Variants in PDZRN3 observed in about 807,000 individuals in gnomAD.
PDZRN3 encodes PDZ domain containing ring finger 3.
PDZRN3 carries 38 observed loss-of-function variants against 85.7 expected under a neutral mutation model. The ratio of observed to expected loss-of-function variants is 0.44; its 90% CI spans 0.34 to 0.58. The LOEUF is 0.58. Among genes scored for constraint, PDZRN3 ranks in the 20% least tolerant of loss-of-function variants. The pLI is 0.01. For missense variants in PDZRN3, 1,629 were observed against 1,506.4 expected (o/e 1.08, Z -1.35); for synonymous variants, 759 against 638.0 (o/e 1.19, Z -2.86).
intron 3 of PDZRN3, among the ~76,000 whole-genome samples, chr3:73,415,647 A>C (rs1702066368): frequency 6.6e-6 from 1 of 152,184 alleles, no homozygotes; most frequent in Admixed American, 6.5e-5. Context: ...TGAGATATTC[A>C]AAATTTTATT....
In PDZRN3 at chr3:73,473,105, G is replaced by A. The variant is rs183897384; in HGVS notation, c.919-68710C>T. On this transcript the variant is annotated intron_variant, in intron 3 of 9. Coordinates refer to ENST00000263666, the MANE Select transcript of PDZRN3 (RefSeq NM_015009.3). ...AAGAGCCCCTAAAAGGAGTGTAACAGATAGAGATGCTCTCTACTTAATATC... is the reference window on the plus strand; with the variant it reads ...AAGAGCCCCTAAAAGGAGTGTAACAAATAGAGATGCTCTCTACTTAATATC... 2.3e-3 allele frequency among the ~76,000 whole-genome samples: 344 copies of A among 152,320 alleles called. 1 individual carries two copies. The highest frequency in any genetic ancestry group is 3.8e-3 in the Non-Finnish European group (256 of 68,028).
At chr3:73,490,621 T>G (rs560063988) in intron 3 of PDZRN3, among the ~76,000 whole-genome samples, 1 of 152,082 alleles carries the variant, frequency 6.6e-6, no homozygotes, top group South Asian at 2.1e-4. Flanking sequence ...GCAACAAAAA[T>G]GGGGGGTATG....
In PDZRN3 at chr3:73,457,082, C is replaced by CT. The variant is rs895419282; in HGVS notation, c.919-52688dup. Among the ~76,000 whole-genome samples the CT allele has an allele frequency of 2.6e-4, 40 of 151,718 alleles. 1 individual carries two copies. Among genetic ancestry groups the CT allele is most frequent in the Admixed American group, 2.5e-3 (38 of 15,240 alleles). On this transcript the variant is annotated intron_variant, in intron 3 of 9. Transcript: ENST00000263666. Reference sequence around the variant, plus strand: ...AGAAAGAAATTTCTACCTTAGCTCACTTTTTTTTGAGACAGAGTCTCACTC... The same window carrying CT: ...AGAAAGAAATTTCTACCTTAGCTCACTTTTTTTTTGAGACAGAGTCTCACTC...
intron 3 of PDZRN3, among the ~76,000 whole-genome samples, chr3:73,437,039 C>T (rs1418461702): frequency 2.3e-5 from 3 of 131,392 alleles, no homozygotes; most frequent in Admixed American, 7.9e-5. Flanking sequence ...GAGAAAGACT[C>T]TGTCTCAAAA....
intron 3 of PDZRN3, among the ~76,000 whole-genome samples, chr3:73,560,376 G>A (rs1186465112): frequency 6.6e-6 from 1 of 152,118 alleles, no homozygotes; most frequent in East Asian, 1.9e-4. Context: ...ATTCAACCTC[G>A]AGGCTGAGTG....
chr3:73,384,677 C>G lies in PDZRN3; in HGVS notation c.1889G>C (p.Cys630Ser), dbSNP rs776331499. 1.2e-6 allele frequency: 2 copies of G among 1,613,900 alleles called. No individual in the cohort carries two copies. The highest frequency in any genetic ancestry group is 1.7e-6 in the Non-Finnish European group (2 of 1,180,038). The change falls in exon 10 of 10, where the codon TGC becomes TCC. Residue 630 changes from cysteine (C) to serine (S), a missense_variant. Transcript: ENST00000263666. ...FSNESFISAD[C>S]TDADYLGIPV... Reference sequence around the variant, plus strand: ...GATCCCCAGGTAGTCGGCGTCCGTGCAGTCGGCCGAAATGAAAGACTCGTT... The same window carrying G: ...GATCCCCAGGTAGTCGGCGTCCGTGGAGTCGGCCGAAATGAAAGACTCGTT...
At chr3:73,449,270 C>T (rs758224391) in intron 3 of PDZRN3, among the ~76,000 whole-genome samples, 1 of 151,850 alleles carries the variant, frequency 6.6e-6, no homozygotes, top group African/African-American at 2.4e-5. Flanking sequence ...TCAAACTCGG[C>T]GAGGAACTCC....
In PDZRN3 at chr3:73,382,695, G is replaced by GCAAA. The variant is rs1023220424; in HGVS notation, c.*666_*669dup. On this transcript the variant is annotated 3_prime_UTR_variant, in exon 10 of 10. Transcript: ENST00000263666. ...ATTCTTTCAATGGGCTGCAATATTT[G>GCAAA]CAAACATGCTTTAAACTTCCATAAA... The GCAAA allele has an allele frequency of 1.3e-5, 2 of 152,604 alleles. No homozygotes were observed. 9.5% of individuals were successfully genotyped at this position (152,604 alleles called of 1,614,324 possible).
Position 73,498,572 on chromosome 3 carries a change from C to T in PDZRN3, c.919-94177G>A, listed in dbSNP as rs182690720. ...GGAGAAAGGGGGAGATGCTCCAAGCCCACAGTGATTCATAACTTTTTTTTT... is the reference window on the plus strand; with the variant it reads ...GGAGAAAGGGGGAGATGCTCCAAGCTCACAGTGATTCATAACTTTTTTTTT... On this transcript the variant is annotated intron_variant, in intron 3 of 9. Transcript: ENST00000263666. Among the ~76,000 whole-genome samples, 126 of 152,058 alleles carry T rather than the reference C, an allele frequency of 8.3e-4. 1 individual carries two copies. Among genetic ancestry groups the T allele is most frequent in the African/African-American group, 3.0e-3 (123 of 41,470 alleles).
In PDZRN3 at chr3:73,624,903, G is replaced by C. The variant is rs556771321; in HGVS notation, c.-78C>G. The C allele has an allele frequency of 1.5e-5, 17 of 1,138,168 alleles. No individual in the cohort carries two copies. Among genetic ancestry groups the C allele is most frequent in the Non-Finnish European group, 1.7e-5 (15 of 900,120 alleles). 70.5% of individuals were successfully genotyped at this position (1,138,168 alleles called of 1,614,324 possible). ...CCCCACGAGGCGGCCCAGACAGGCC[G>C]GCTACGCCGCCCGCGCGCTCGCTGG... is the stretch of plus-strand genomic sequence containing the variant. On this transcript the variant is annotated 5_prime_UTR_variant, in exon 1 of 10. Transcript: ENST00000263666.
Position 73,530,350 on chromosome 3 carries a change from G to A in PDZRN3, c.918+72004C>T, listed in dbSNP as rs536971761. Among the ~76,000 whole-genome samples, 4 of 152,248 alleles carry A rather than the reference G, an allele frequency of 2.6e-5. No individual in the cohort carries two copies. In the East Asian group the frequency reaches 7.7e-4, roughly 29 times the overall value. Reference sequence around the variant, plus strand: ...GACCACTACCAAATGACAAAACCACGATTATGTACTGGCTCCCTACAAAAT... The same window carrying A: ...GACCACTACCAAATGACAAAACCACAATTATGTACTGGCTCCCTACAAAAT... On this transcript the variant is annotated intron_variant, in intron 3 of 9. Transcript: ENST00000263666.
chr3:73,566,596 C>T (rs1477595095), intron 3 of PDZRN3, among the ~76,000 whole-genome samples: 1 of 152,112 alleles, frequency 6.6e-6, no homozygotes, highest in African/African-American at 2.4e-5. Flanking sequence ...TCTTTGCTGC[C>T]TTTCCTTTGA....
intron 3 of PDZRN3, among the ~76,000 whole-genome samples, chr3:73,451,363 A>G (rs181963241): frequency 1.3e-5 from 2 of 152,186 alleles, no homozygotes; most frequent in African/African-American, 2.4e-5. Flanking sequence ...GAGGATGAGG[A>G]GGAAAGTCTT....
At position 73,548,285 on chromosome 3, in the gene PDZRN3, G is replaced by T. The variant is rs112287210; in HGVS notation, c.918+54069C>A. ...TCTGATGATGTTTGAGGATTTGGAA[G>T]TTTCTTGTAACCAGCTCCAAAACAT... On this transcript the variant is annotated intron_variant, in intron 3 of 9. Coordinates refer to ENST00000263666, the MANE Select transcript of PDZRN3 (RefSeq NM_015009.3). Among the ~76,000 whole-genome samples, 667 of 152,298 alleles carry T rather than the reference G, an allele frequency of 4.4e-3. 1 individual carries two copies. The highest frequency in any genetic ancestry group is 6.5e-3 in the Non-Finnish European group (441 of 68,014).
intron 3 of PDZRN3, among the ~76,000 whole-genome samples, chr3:73,552,954 G>A (rs1024181967): frequency 1.1e-4 from 17 of 152,174 alleles, no homozygotes; most frequent in African/African-American, 3.1e-4. Flanking sequence ...AACCTACTAC[G>A]TGCTCACCAC....
intron 3 of PDZRN3, among the ~76,000 whole-genome samples, chr3:73,515,765 T>C (rs549799206): frequency 6.6e-6 from 1 of 152,344 alleles, no homozygotes; most frequent in South Asian, 2.1e-4. Flanking sequence ...TAGTTATCTA[T>C]AACTGTTAGA....
At chr3:73,550,049 A>G (rs986101450) in intron 3 of PDZRN3, among the ~76,000 whole-genome samples, 1 of 152,216 alleles carries the variant, frequency 6.6e-6, no homozygotes, top group African/African-American at 2.4e-5. Flanking sequence ...GGGAAGCATA[A>G]TATTTTAATA....
intron 3 of PDZRN3, chr3:73,433,866 A>C: frequency 2.1e-6 from 3 of 1,419,568 alleles, no homozygotes; most frequent in Admixed American, 2.9e-5. Context: ...CTAGACAACA[A>C]CTCTCTCCCC....
At chr3:73,468,085 C>A (rs1575673914) in intron 3 of PDZRN3, among the ~76,000 whole-genome samples, 2 of 151,514 alleles carry the variant, frequency 1.3e-5, no homozygotes, top group African/African-American at 2.4e-5. Context: ...GTTAAGATGG[C>A]AAATTTTATG....
Sources: allele counts gnomAD v4.1 joint callset (sites outside exome capture counted in the v4.1 genomes callset), GRCh38; gene constraint gnomAD v4.1.1; transcripts MANE v1.5; gene names NCBI Gene and HGNC (gene_info 2026-07-23, HGNC 2026-07-21).